CNBD1: variants seen among roughly 807,000 people sequenced by gnomAD.
CNBD1 encodes cyclic nucleotide-binding domain-containing protein 1.
A neutral mutation model predicts 54.4 loss-of-function variants in CNBD1; 71 were observed. The observed-to-expected ratio is 1.30, with a 90% confidence interval of 1.08 to 1.59. The LOEUF is 1.59. CNBD1 is among the 40% of genes most tolerant of loss of function. The probability of loss-of-function intolerance (pLI) is 0.00; values close to 1 mark genes in which losing one functional copy is unlikely to be tolerated. For missense variants in CNBD1, 659 were observed against 518.0 expected (o/e 1.27, Z -2.64); for synonymous variants, 182 against 170.7 (o/e 1.07, Z -0.51).
intron 8 of CNBD1, among the ~76,000 whole-genome samples, chr8:87,337,699 T>G (rs1279262082): frequency 6.6e-6 from 1 of 152,196 alleles, no homozygotes; most frequent in Non-Finnish European, 1.5e-5. Flanking sequence ...ATTGCCTCCC[T>G]TGGCTGGGGG....
intron 4 of CNBD1, among the ~76,000 whole-genome samples, chr8:87,060,144 A>G (rs1194884196): frequency 6.6e-6 from 1 of 151,914 alleles, no homozygotes; most frequent in Non-Finnish European, 1.5e-5. Context: ...AGTTCTCCCT[A>G]GTTAAGCCTC....
At chr8:87,294,097 G>A (rs1481803007) in intron 8 of CNBD1, among the ~76,000 whole-genome samples, 1 of 152,150 alleles carries the variant, frequency 6.6e-6, no homozygotes, top group Non-Finnish European at 1.5e-5. Flanking sequence ...CAATATGAGT[G>A]ATAGTTGAAA....
intron 6 of CNBD1, among the ~76,000 whole-genome samples, chr8:87,275,703 G>A (rs1168064231): frequency 5.0e-4 from 76 of 151,792 alleles, no homozygotes; most frequent in Non-Finnish European, 1.1e-3. Flanking sequence ...ATTCAACATA[G>A]TGTTGGAAAT....
Position 87,362,874 on chromosome 8 carries a change from A to G in CNBD1, c.1303+9088A>G, listed in dbSNP as rs187855454. 2.3e-3 allele frequency among the ~76,000 whole-genome samples: 357 copies of G among 151,960 alleles called. 4 individuals are homozygous for G. The highest frequency in any genetic ancestry group is 0.01 in the Admixed American group (156 of 15,200). On this transcript the variant is annotated intron_variant, in intron 10 of 10. Transcript: ENST00000518476. ...GAGTTCATTCAAATTGCATATTCTA[A>G]CTTTTTTTTTGTACTTTAAGTTAAG... is the stretch of plus-strand genomic sequence containing the variant.
chr8:86,904,990 G>T, intron 2 of CNBD1, 91 bp from the exon 3 acceptor site: 2 of 601,962 alleles, frequency 3.3e-6, no homozygotes, highest in South Asian at 2.6e-5. Flanking sequence ...AAATAGTATA[G>T]AATTGATACG....
chr8:87,009,260 A>G (rs1762197492), intron 4 of CNBD1, among the ~76,000 whole-genome samples: 1 of 151,846 alleles, frequency 6.6e-6, no homozygotes, highest in Non-Finnish European at 1.5e-5. Context: ...ATTTAATTCT[A>G]CATATATTTT....
At chr8:87,346,044 C>CT (rs1317764982) in intron 8 of CNBD1, among the ~76,000 whole-genome samples, 52 of 148,312 alleles carry the variant, frequency 3.5e-4, no homozygotes, top group Middle Eastern at 3.4e-3. Context: ...CTTTTTTTTT[C>CT]TTTTTTTTGT....
intron 8 of CNBD1, among the ~76,000 whole-genome samples, chr8:87,323,400 C>A (rs1392611743): frequency 7.2e-6 from 1 of 139,572 alleles, no homozygotes; most frequent in Admixed American, 7.2e-5. Flanking sequence ...TTGGGCAGTA[C>A]GGCCATTTTC....
chr8:87,123,843 A>G (rs1289842327), intron 4 of CNBD1, among the ~76,000 whole-genome samples: 1 of 151,716 alleles, frequency 6.6e-6, no homozygotes, highest in African/African-American at 2.4e-5. Context: ...CTGATATTAC[A>G]GGAACAATTG....
chr8:87,407,169 C>G (rs1047560724), intron 2 of CNBD1, among the ~76,000 whole-genome samples: 1 of 152,084 alleles, frequency 6.6e-6, no homozygotes, highest in Non-Finnish European at 1.5e-5. Flanking sequence ...TACTTACTTA[C>G]TACACCTATC....
chr8:87,156,989 T>G (rs1358047503), intron 4 of CNBD1, among the ~76,000 whole-genome samples: 1 of 152,126 alleles, frequency 6.6e-6, no homozygotes, highest in Non-Finnish European at 1.5e-5. Context: ...CAATCAAAAC[T>G]TCTAAGGCAC....
intron 4 of CNBD1, among the ~76,000 whole-genome samples, chr8:87,039,209 G>A (rs1364626418): frequency 6.6e-6 from 1 of 151,984 alleles, no homozygotes; most frequent in African/African-American, 2.4e-5. Flanking sequence ...TTCAACCTAT[G>A]TTTAATTGGA....
chr8:87,327,595 C>T (rs1188846798), intron 8 of CNBD1, among the ~76,000 whole-genome samples: 1 of 152,130 alleles, frequency 6.6e-6, no homozygotes, highest in African/African-American at 2.4e-5. Context: ...CCTTTTTTGA[C>T]TCAGAAAGGG....
chr8:87,145,646 T>G (rs1812469175), intron 4 of CNBD1, among the ~76,000 whole-genome samples: 1 of 152,120 alleles, frequency 6.6e-6, no homozygotes, highest in Admixed American at 6.6e-5. Context: ...AGATTTCAAG[T>G]GTTGGAAAAT....
intron 4 of CNBD1, among the ~76,000 whole-genome samples, chr8:87,179,725 A>G (rs182874007): frequency 5.3e-4 from 80 of 152,342 alleles, no homozygotes; most frequent in African/African-American, 1.9e-3. Context: ...GGTGCAATAT[A>G]GAGTTTATAA....
chr8:87,294,043 C>T (rs538447064), intron 8 of CNBD1, among the ~76,000 whole-genome samples: 1 of 151,966 alleles, frequency 6.6e-6, no homozygotes, highest in East Asian at 1.9e-4. Context: ...TTTTGAATAA[C>T]AGAAGAGACC....
intron 4 of CNBD1, among the ~76,000 whole-genome samples, chr8:86,985,087 A>G (rs890820363): frequency 1.1e-4 from 17 of 152,114 alleles, no homozygotes; most frequent in Admixed American, 6.6e-5. Flanking sequence ...TTTACTTGTG[A>G]TAGTGAATAA....
At chr8:87,361,676 A>C (rs1810526342) in intron 10 of CNBD1, among the ~76,000 whole-genome samples, 1 of 141,062 alleles carries the variant, frequency 7.1e-6, no homozygotes, top group Non-Finnish European at 1.6e-5. Context: ...CATTCCAACA[A>C]AATAGTTGGA....
intron 6 of CNBD1, among the ~76,000 whole-genome samples, chr8:87,255,298 G>A (rs537054737): frequency 6.6e-5 from 10 of 152,244 alleles, no homozygotes; most frequent in African/African-American, 2.4e-4. Context: ...GAAACAAGAT[G>A]TAGAGGGTCC....
Sources: allele counts gnomAD v4.1 joint callset (sites outside exome capture counted in the v4.1 genomes callset), GRCh38; gene constraint gnomAD v4.1.1; transcripts MANE v1.5; gene names NCBI Gene and HGNC (gene_info 2026-07-23, HGNC 2026-07-21).